The following FHIT variants were observed in gnomAD, a reference collection of about 807,000 sequenced individuals.
FHIT encodes fragile histidine triad diadenosine triphosphatase, also known as bis(5'-adenosyl)-triphosphatase.
In FHIT, 19 loss-of-function variants were observed where a neutral mutation model predicts 17.9. The observed-to-expected ratio is 1.06, with a 90% CI of 0.74 to 1.56. The LOEUF is 1.56. FHIT is among the 40% of genes most tolerant of loss of function. The pLI is 0.00. For missense variants in FHIT, 248 were observed against 189.2 expected, an observed-to-expected ratio of 1.31 and a Z score of -1.82; for synonymous variants, 81 against 69.7, an observed-to-expected ratio of 1.16 and a Z score of -0.81.
At chr3:61,017,801 C>A (rs1034815270) in intron 3 of FHIT, among the ~76,000 whole-genome samples, 6 of 152,106 alleles carry the variant, frequency 3.9e-5, no homozygotes, top group African/African-American at 1.4e-4. Flanking sequence ...CTCAGAATCA[C>A]AAGAAATAAT....
intron 3 of FHIT, among the ~76,000 whole-genome samples, chr3:60,950,878 T>C (rs1032098391): frequency 1.1e-4 from 16 of 152,128 alleles, no homozygotes; most frequent in African/African-American, 3.6e-4. Context: ...CTAACAGGTC[T>C]CTTTTTGTAT....
At chr3:60,481,273 T>C (rs2033597477) in intron 5 of FHIT, among the ~76,000 whole-genome samples, 2 of 152,040 alleles carry the variant, frequency 1.3e-5, no homozygotes, top group African/African-American at 4.8e-5. Flanking sequence ...CCAGGAGAGC[T>C]TCCCCAACCT....
At chr3:60,712,742 A>G (rs1367986882) in intron 4 of FHIT, among the ~76,000 whole-genome samples, 1 of 147,786 alleles carries the variant, frequency 6.8e-6, no homozygotes, top group African/African-American at 2.5e-5. Flanking sequence ...CTAAATATAT[A>G]TGCACCCAAT....
chr3:60,320,360 C>T (rs1419697033), intron 5 of FHIT, among the ~76,000 whole-genome samples: 3 of 152,016 alleles, frequency 2.0e-5, no homozygotes, highest in African/African-American at 7.2e-5. Context: ...AGACAACAAC[C>T]TGAAAATCAG....
intron 4 of FHIT, among the ~76,000 whole-genome samples, chr3:60,560,475 C>T (rs764439596): frequency 5.9e-5 from 9 of 151,970 alleles, no homozygotes; most frequent in Non-Finnish European, 1.2e-4. Flanking sequence ...CCCAGTAGTG[C>T]CTGGAAATTC....
At chr3:60,420,620 C>A (rs980824382) in intron 5 of FHIT, among the ~76,000 whole-genome samples, 2 of 152,100 alleles carry the variant, frequency 1.3e-5, no homozygotes, top group Non-Finnish European at 2.9e-5. Flanking sequence ...CTTAGCAATT[C>A]TCTGAGATTA....
At chr3:61,184,131 T>G (rs1429506132) in intron 2 of FHIT, among the ~76,000 whole-genome samples, 1 of 152,014 alleles carries the variant, frequency 6.6e-6, no homozygotes, top group African/African-American at 2.4e-5. Context: ...TCCCCCAGTG[T>G]CTCTACCCAG....
intron 3 of FHIT, among the ~76,000 whole-genome samples, chr3:60,833,557 CT>C (rs1467367274): frequency 1.3e-5 from 2 of 152,102 alleles, no homozygotes; most frequent in African/African-American, 2.4e-5. Context: ...TCATATTCCC[CT>C]CCCCTTTTTT....
At chr3:60,048,317 C>A (rs893159935) in intron 5 of FHIT, among the ~76,000 whole-genome samples, 4 of 152,128 alleles carry the variant, frequency 2.6e-5, no homozygotes, top group African/African-American at 9.7e-5. Context: ...GCTGGGACTA[C>A]GGACATGTGC....
At chr3:60,737,226 A>C (rs2108001042) in intron 4 of FHIT, among the ~76,000 whole-genome samples, 1 of 152,328 alleles carries the variant, frequency 6.6e-6, no homozygotes, top group Admixed American at 6.5e-5. Context: ...AAACTACATT[A>C]TGAGCCGGAT....
At chr3:60,737,984 A>C (rs1318567172) in intron 4 of FHIT, among the ~76,000 whole-genome samples, 1 of 152,168 alleles carries the variant, frequency 6.6e-6, no homozygotes, top group Non-Finnish European at 1.5e-5. Flanking sequence ...TTTGCATTAA[A>C]CTGCACTCAC....
intron 2 of FHIT, among the ~76,000 whole-genome samples, chr3:61,192,441 G>C (rs1204983158): frequency 1.3e-5 from 2 of 152,178 alleles, no homozygotes. Flanking sequence ...CAGTTGCTTG[G>C]CAAAAGTGGA....
chr3:60,051,622 G>C (rs921682459), intron 5 of FHIT, among the ~76,000 whole-genome samples: 4 of 152,064 alleles, frequency 2.6e-5, no homozygotes, highest in Admixed American at 2.0e-4. Context: ...AACTGAACCT[G>C]GAAATCTGAG....
intron 3 of FHIT, among the ~76,000 whole-genome samples, chr3:60,965,495 T>G (rs1709684856): frequency 6.6e-6 from 1 of 152,246 alleles, no homozygotes; most frequent in Non-Finnish European, 1.5e-5. Flanking sequence ...GCTAGGTTCC[T>G]TTGTAGGAGA....
At chr3:60,549,342 C>T (rs1218239415) in intron 4 of FHIT, among the ~76,000 whole-genome samples, 5 of 152,094 alleles carry the variant, frequency 3.3e-5, no homozygotes, top group Admixed American at 1.3e-4. Context: ...AGTACTTACT[C>T]GGTACTTTCA....
intron 5 of FHIT, among the ~76,000 whole-genome samples, chr3:60,173,915 A>ATATATATATATATATATTTTTTTTTTT: frequency 1.5e-4 from 10 of 66,428 alleles, no homozygotes; most frequent in Non-Finnish European, 2.5e-4. Context: ...ATATATATAT[A>ATATATATATATATATATTTTTTTTTTT]TGTTTTTTTT....
intron 2 of FHIT, among the ~76,000 whole-genome samples, chr3:61,149,648 T>C (rs574932809): frequency 6.6e-6 from 1 of 152,126 alleles, no homozygotes; most frequent in South Asian, 2.1e-4. Flanking sequence ...GAGGCACAGA[T>C]GGGAGGATGG....
chr3:60,077,528 T>TA (rs5849324), intron 5 of FHIT: 51,912 of 149,772 alleles, frequency 0.35, 10,108 homozygotes, highest in Middle Eastern at 0.56. Flanking sequence ...TACAAATGGC[T>TA]AAAAAAAAAC....
In FHIT at chr3:60,283,802, A is replaced by G. The variant is rs111642160; in HGVS notation, c.103+253058T>C. 7.3e-4 allele frequency among the ~76,000 whole-genome samples: 108 copies of G among 147,790 alleles called. 1 individual carries two copies. The highest frequency in any genetic ancestry group is 7.0e-3 in the Middle Eastern group (2 of 286). On this transcript the variant is annotated intron_variant, in intron 5 of 9. Transcript: ENST00000492590. Reference sequence around the variant, plus strand: ...CTAAATAATGAAAAAGAGGTTGAGAAGAGTGCACCGAAAGAGGTAAAAAAA... The same window carrying G: ...CTAAATAATGAAAAAGAGGTTGAGAGGAGTGCACCGAAAGAGGTAAAAAAA...
Sources: allele counts gnomAD v4.1 joint callset (sites outside exome capture counted in the v4.1 genomes callset), GRCh38; gene constraint gnomAD v4.1.1; transcripts MANE v1.5; gene names NCBI Gene and HGNC (gene_info 2026-07-23, HGNC 2026-07-21).